DNHD1: variants seen among roughly 807,000 people sequenced by gnomAD.
The protein encoded by DNHD1 is dynein heavy chain domain 1.
Under a neutral mutation model 458.1 loss-of-function variants are expected in DNHD1, and 383 were observed. The observed-to-expected ratio is 0.84, with a 90% confidence interval of 0.77 to 0.91. The LOEUF (loss-of-function observed/expected upper bound fraction) is 0.91. Among genes scored for constraint, DNHD1 ranks in the 40% least tolerant of loss-of-function variants. DNHD1 has a pLI of 0.00. For missense variants in DNHD1, 5,336 were observed against 5,866.1 expected (o/e 0.91, Z 2.95); for synonymous variants, 2,203 against 2,376.9 (o/e 0.93, Z 2.13).
rs375916001 is a variant in DNHD1 at position 6,544,125 on chromosome 11, C to G, written c.3633C>G (p.Tyr1211Ter). Residue 1211 changes from tyrosine to a stop codon, truncating the protein, a stop_gained, in exon 19 of 43, where the codon TAC (tyrosine) becomes TAG (stop). Coordinates refer to ENST00000254579, the MANE Select transcript of DNHD1 (RefSeq NM_144666.3). LOFTEE classifies it high-confidence loss of function. ...GTTCAGCTTTTTCTGTCTTAGATTA[C>G]AGCAACCTGCAGGATTCCATCCAGG... is the stretch of plus-strand genomic sequence containing the variant. ...KDSGTFILSD[Y>*]SNLQDSIQES... 1 of 1,551,574 alleles carries G rather than the reference C, an allele frequency of 6.4e-7. No individual in the cohort carries two copies. Among genetic ancestry groups the G allele is most frequent in the Admixed American group, 2.0e-5 (1 of 51,004 alleles).
In DNHD1 at chr11:6,564,731, G is replaced by A; in HGVS notation, c.10683G>A (p.Glu3561=). ...CTCTGCTGCTTGACCCCAGCAACGAGGCCCTCATCTGGTTGGACCCGCTGC... is the reference window on the plus strand; with the variant it reads ...CTCTGCTGCTTGACCCCAGCAACGAAGCCCTCATCTGGTTGGACCCGCTGC... The part of the protein sequence containing the change: ...RWPLLLDPSN[E]ALIWLDPLPL... Residue 3561 remains glutamate (E), a synonymous_variant, in exon 32 of 43, where the codon GAG becomes GAA. Transcript: ENST00000254579. The A allele has an allele frequency of 1.3e-6, 2 of 1,549,374 alleles. No homozygotes were observed. Among genetic ancestry groups the A allele is most frequent in the South Asian group, 2.4e-5 (2 of 84,038 alleles).
chr11:6,566,520 CCCTG>C lies in DNHD1; in HGVS notation c.11207-66_11207-63del. 2.7e-6 allele frequency: 4 copies of C among 1,508,862 alleles called. No individual in the cohort carries two copies. The Admixed American group carries it at 7.6e-5, about 29-fold the overall frequency. The allele number at this position is 1,508,862 out of a possible 1,614,324, so 93.5% of individuals were successfully genotyped here. A position where few individuals can be genotyped will look rare whatever the true frequency, so the allele number is the denominator to read the frequency against. ...CAGGTCTATAGCAGGGAGCCATACT[CCCTG>C]TCTACTCTACCCCCTGGCTCTGCCA... On this transcript the variant is annotated intron_variant, in intron 34 of 42. Transcript: ENST00000254579.
intron 3 of DNHD1, among the ~76,000 whole-genome samples, chr11:6,501,368 C>T (rs1486102582): frequency 1.3e-5 from 2 of 149,206 alleles, no homozygotes; most frequent in African/African-American, 2.5e-5. Context: ...AGTAGGTGCT[C>T]AATAAATATT....
chr11:6,568,532 G>A lies in DNHD1; in HGVS notation c.12617G>A (p.Arg4206His), dbSNP rs547231840. ...GTAAGCACTGTTCACAGAGATTTTC[G>A]TCTTTGGCTTATTGTGCCTGCAGAG... ...RNVSTVHRDF[R>H]LWLIVPAESS... The change falls in exon 38 of 43, where the codon CGT becomes CAT. Residue 4206 changes from arginine (R) to histidine (H), a missense_variant. Physicochemically the swap from Arg to His is conservative, Grantham distance 29. This residue lies in a region of DNHD1 where 695 missense variants were observed against 804.2 expected (regional missense o/e 0.86). Transcript: ENST00000254579. The A allele has an allele frequency of 4.4e-5, 71 of 1,613,866 alleles. No individual in the cohort carries two copies. The highest frequency in any genetic ancestry group is 2.0e-4 in the East Asian group (9 of 44,902).
rs140159867 is a variant in DNHD1 at position 6,520,031 on chromosome 11, G to A, written c.1714G>A (p.Val572Met). Residue 572 changes from valine (V) to methionine (M), a missense_variant, in exon 9 of 43, where the codon GTG (valine) becomes ATG (methionine). Val to Met is a conservative substitution (Grantham distance 21). Coordinates refer to ENST00000254579, the MANE Select transcript of DNHD1 (RefSeq NM_144666.3). ...TGATGATCATGGTCAACTGTCTCAT[G>A]TGCCCTGTGTTGAAAATATGATCCA... ...VFDDHGQLSH[V>M]PCVENMIQTL... 8 of 1,614,024 alleles carry A rather than the reference G, an allele frequency of 5.0e-6. No individual in the cohort carries two copies. The Admixed American group carries it at 8.3e-5, about 17-fold the overall frequency.
At chr11:6,538,861 G>T in intron 16 of DNHD1, 51 bp downstream of exon 16, 1 of 1,427,586 alleles carries the variant, frequency 7.0e-7, no homozygotes. Flanking sequence ...TGTGAGGTTA[G>T]AGCGATGCAG....
intron 34 of DNHD1, 72 bp downstream of exon 34, chr11:6,566,465 G>C: frequency 6.5e-7 from 1 of 1,544,358 alleles, no homozygotes; most frequent in Non-Finnish European, 8.8e-7. Context: ...GCCCTAAGAG[G>C]GCTTCACTCA....
chr11:6,562,595 T>C (rs537892244), intron 28 of DNHD1, among the ~76,000 whole-genome samples: 8 of 151,830 alleles, frequency 5.3e-5, no homozygotes, highest in African/African-American at 1.7e-4. Context: ...CCAGAGAAGT[T>C]AGAGAAAGCC....
rs1361281557 is a variant in DNHD1, at chr11:6,558,270, A to G, written c.8975A>G (p.Asn2992Ser). The G allele has an allele frequency of 6.4e-7, 1 of 1,551,394 alleles. No individual in the cohort carries two copies. Among genetic ancestry groups the G allele is most frequent in the Non-Finnish European group, 8.7e-7 (1 of 1,146,920 alleles). Residue 2992 changes from asparagine to serine, a missense_variant, in exon 25 of 43, where the codon AAC (asparagine) becomes AGC (serine). Coordinates refer to ENST00000254579, the MANE Select transcript of DNHD1 (RefSeq NM_144666.3). ...LPRENLGVKQ[N>S]IKKEMVLQRF... is the part of the protein sequence containing the mutation. ...AGGGAGAACCTTGGTGTCAAACAGA[A>G]CATCAAGAAGGAAATGGTGTTGCAG...
chr11:6,510,847 A>G (rs951268121), intron 6 of DNHD1, among the ~76,000 whole-genome samples: 2 of 152,170 alleles, frequency 1.3e-5, no homozygotes, highest in African/African-American at 4.8e-5. Context: ...GGGCTTCCTC[A>G]GGGATGGGCA....
At chr11:6,534,447 G>C (rs1272192793) in intron 14 of DNHD1, among the ~76,000 whole-genome samples, 1 of 152,148 alleles carries the variant, frequency 6.6e-6, no homozygotes, top group Admixed American at 6.5e-5. Flanking sequence ...GATGGGGTCA[G>C]GGGCTAAAAG....
chr11:6,558,609 C>T lies in DNHD1; in HGVS notation c.9127C>T (p.Arg3043Cys), dbSNP rs1356034988. 1.2e-5 allele frequency: 18 copies of T among 1,551,588 alleles called. No homozygotes were observed. The highest frequency in any genetic ancestry group is 8.2e-5 in the African/African-American group (6 of 73,054). ...LLQLATASID[R>C]YEPWDQAALA... is the part of the protein sequence containing the mutation. Reference sequence around the variant, plus strand: ...TCAACTGGCCACTGCCAGCATTGACCGCTATGAACCCTGGGACCAAGCTGC... The same window carrying T: ...TCAACTGGCCACTGCCAGCATTGACTGCTATGAACCCTGGGACCAAGCTGC... Residue 3043 changes from arginine to cysteine, a missense_variant, in exon 26 of 43, where the codon CGC becomes TGC. This residue lies in a region of DNHD1 where 3,932 missense variants were observed against 4,365.6 expected (regional missense o/e 0.90). Transcript: ENST00000254579.
chr11:6,519,612 A>G lies in DNHD1; in HGVS notation c.1405A>G (p.Thr469Ala), dbSNP rs1171381181. ...TSILRLVHEDTYHMQQCLQER... is the reference protein window; with the variant it reads ...TSILRLVHEDAYHMQQCLQER... ...TCTATGCTCACAGGTTCACGAGGAC[A>G]CATACCACATGCAACAGTGCCTACA... is the stretch of plus-strand genomic sequence containing the variant. The change falls in exon 8 of 43, where the codon ACA becomes GCA. Residue 469 changes from threonine (T) to alanine (A), a missense_variant. Transcript: ENST00000254579. 2.5e-6 allele frequency: 4 copies of G among 1,614,068 alleles called. No individual in the cohort carries two copies. In the African/African-American group the frequency reaches 5.3e-5, roughly 22 times the overall value.
intron 6 of DNHD1, 42 bp from the exon 7 acceptor site, chr11:6,511,231 G>T (rs1852329560): frequency 6.2e-7 from 1 of 1,604,702 alleles, no homozygotes; most frequent in Non-Finnish European, 8.5e-7. Flanking sequence ...TCCAAGGAAG[G>T]ATTGGGATGC....
chr11:6,540,323 G>T (rs921158687), intron 18 of DNHD1, among the ~76,000 whole-genome samples: 42 of 152,264 alleles, frequency 2.8e-4, no homozygotes, highest in African/African-American at 9.6e-4. Context: ...CTTCAGCAAA[G>T]GTCCTCCCCT....
rs1427294672 is a variant in DNHD1, at chr11:6,520,269, C to T, written c.1817C>T (p.Ser606Leu). The T allele has an allele frequency of 2.6e-6, 4 of 1,552,202 alleles. No homozygotes were observed. The highest frequency in any genetic ancestry group is 2.4e-5 in the South Asian group (2 of 84,226). ...VVQSADLKTS[S>L]DSLYSEEEDE... is the part of the protein sequence containing the mutation. ...CAGTCTGCAGACCTGAAGACCTCCT[C>T]GGATTCCCTGTATTCTGAAGGTATT... Residue 606 changes from serine (S) to leucine (L), a missense_variant, in exon 10 of 43, where the codon TCG (serine) becomes TTG (leucine). This residue lies in a region of DNHD1 where 3,932 missense variants were observed against 4,365.6 expected (regional missense o/e 0.90). Transcript: ENST00000254579.
At position 6,568,875 on chromosome 11, in the gene DNHD1, C is replaced by T; in HGVS notation, c.12863+9C>T. ...GCACACAGGGGGCGCTGGTGAGGGA[C>T]CCCCACCCATTCCTGCTCAGTCAAT... On this transcript the variant is annotated intron_variant, in intron 39 of 42. Coordinates refer to ENST00000254579, the MANE Select transcript of DNHD1 (RefSeq NM_144666.3). 1.2e-6 allele frequency: 2 copies of T among 1,602,074 alleles called. No homozygotes were observed. The highest frequency in any genetic ancestry group is 1.7e-6 in the Non-Finnish European group (2 of 1,174,760).
Position 6,568,487 on chromosome 11 carries a change from A to C in DNHD1, c.12572A>C (p.Asp4191Ala). The C allele has an allele frequency of 6.2e-7, 1 of 1,613,888 alleles. No homozygotes were observed. Among genetic ancestry groups the C allele is most frequent in the Non-Finnish European group, 8.5e-7 (1 of 1,179,880 alleles). ...GACCTGGAATCAGAACAGCTTTTAG[A>C]CCAACCTGAAAGCAGGAATGTAAGC... ...VADLESEQLL[D>A]QPESRNVSTV... The change falls in exon 38 of 43, where the codon GAC becomes GCC. Residue 4191 changes from aspartate to alanine, a missense_variant. By Grantham distance (126) the Asp-to-Ala change is moderately radical. This residue lies in a region of DNHD1 where 695 missense variants were observed against 804.2 expected (regional missense o/e 0.86). Coordinates refer to ENST00000254579, the MANE Select transcript of DNHD1 (RefSeq NM_144666.3).
At chr11:6,511,923 C>T (rs1272687900) in intron 7 of DNHD1, among the ~76,000 whole-genome samples, 1 of 152,216 alleles carries the variant, frequency 6.6e-6, no homozygotes, top group Non-Finnish European at 1.5e-5. Context: ...GTACTGACCT[C>T]TTGCCCATGG....
Sources: gnomAD v4.1 joint callset for allele counts (sites outside exome capture counted in the v4.1 genomes callset) on GRCh38, gnomAD v4.1.1 for gene constraint, gnomAD v4.1.1 regional missense constraint, MANE v1.5 for transcripts, NCBI Gene and HGNC (gene_info 2026-07-23, HGNC 2026-07-21) for gene names.